RIIAD1: variants seen among roughly 807,000 people sequenced by gnomAD.
RIIAD1 encodes regulatory subunit of type II PKA R-subunit domain containing 1.
In RIIAD1, 15 loss-of-function variants were observed where a neutral mutation model predicts 13.3. The observed-to-expected ratio is 1.13, with a 90% CI of 0.76 to 1.74. The LOEUF (loss-of-function observed/expected upper bound fraction) is 1.74. RIIAD1 is among the 40% of genes most tolerant of loss of function. The pLI, the probability that RIIAD1 is intolerant of heterozygous loss-of-function variation, is 0.00. For synonymous variants in RIIAD1, 50 were observed against 43.3 expected, an observed-to-expected ratio of 1.16 and a Z score of -0.61; for missense variants, 121 against 112.2, an observed-to-expected ratio of 1.08 and a Z score of -0.35.
chr1:151,716,108 G>GC, intron 4 of RIIAD1: 2 of 1,374,926 alleles, frequency 1.5e-6, no homozygotes, highest in East Asian at 2.4e-5. Flanking sequence ...AAGTGGTGGG[G>GC]CCCGGGGGCC....
chr1:151,713,090 T>C (rs1673163700), intron 2 of RIIAD1, among the ~76,000 whole-genome samples: 1 of 152,206 alleles, frequency 6.6e-6, no homozygotes, highest in Non-Finnish European at 1.5e-5. Flanking sequence ...TCTTGGAGGA[T>C]GGAACCCTCA....
At chr1:151,717,867 T>C (rs1025029939), upstream of RIIAD1, among the ~76,000 whole-genome samples, 5 of 152,192 alleles carry the variant, frequency 3.3e-5, no homozygotes, top group Admixed American at 1.3e-4. Context: ...GGCTCCACGA[T>C]CTGGAGGGAG....
intron 2 of RIIAD1, among the ~76,000 whole-genome samples, chr1:151,723,573 G>C (rs1673777615): frequency 6.6e-6 from 1 of 152,076 alleles, no homozygotes; most frequent in Non-Finnish European, 1.5e-5. Context: ...GGTGGCACGT[G>C]CCTGTAATCC....
intron 3 of RIIAD1, among the ~76,000 whole-genome samples, 198 bp downstream of exon 3, chr1:151,727,819 G>A (rs755562161): frequency 1.3e-5 from 2 of 152,152 alleles, no homozygotes; most frequent in Non-Finnish European, 2.9e-5. Context: ...CAAGAAATGA[G>A]GCAGAACTTC....
chr1:151,721,584 T>TAGCGC lies in RIIAD1; in HGVS notation c.57_61dup (p.Leu21ArgfsTer21), dbSNP rs1303037720. On this transcript the variant is annotated frameshift_variant, in exon 1 of 5. Transcript: ENST00000479191. LOFTEE classifies it high-confidence loss of function. The stretch of plus-strand genomic sequence containing the variant: ...TGCAGCGGCCCGACCCCGGGGCGCT[T>TAGCGC]AGCGCAGCGCAGCTGGAGCAGCTGC... 7.6e-7 allele frequency: 1 copy of TAGCGC among 1,312,078 alleles called. No homozygotes were observed. The highest frequency in any genetic ancestry group is 9.7e-7 in the Non-Finnish European group (1 of 1,027,488). 81.3% of individuals were successfully genotyped at this position (1,312,078 alleles called of 1,614,324 possible).
chr1:151,717,291 G>C (rs898221945), upstream of RIIAD1, among the ~76,000 whole-genome samples: 1 of 152,194 alleles, frequency 6.6e-6, no homozygotes, highest in Admixed American at 6.5e-5. Context: ...CGCAGAGTCT[G>C]GGGGAAAAAG....
chr1:151,714,500 G>T (rs1482764719), exon 4 of RIIAD1: 1 of 881,788 alleles, frequency 1.1e-6, no homozygotes, highest in East Asian at 2.6e-5. Flanking sequence ...ATGAGAGGAG[G>T]TGGAAATTAT....
chr1:151,723,195 G>A (rs1323940483), intron 2 of RIIAD1, among the ~76,000 whole-genome samples: 1 of 152,186 alleles, frequency 6.6e-6, no homozygotes, highest in Non-Finnish European at 1.5e-5. Context: ...GGGAGTTCGA[G>A]ACCAGCCTGA....
At chr1:151,712,733 A>T (rs1673125793) in intron 2 of RIIAD1, among the ~76,000 whole-genome samples, 1 of 151,958 alleles carries the variant, frequency 6.6e-6, no homozygotes, top group African/African-American at 2.4e-5. Context: ...CCAAAATATC[A>T]CCCTAGTATG....
chr1:151,713,311 T>G (rs1673185178), intron 2 of RIIAD1, among the ~76,000 whole-genome samples: 1 of 152,164 alleles, frequency 6.6e-6, no homozygotes, highest in South Asian at 2.1e-4. Context: ...CTGCCTGAGC[T>G]GCCAGGCAGC....
rs150974286 is a variant in RIIAD1, at chr1:151,727,017, C to T, written c.162-558C>T. Among the ~76,000 whole-genome samples the T allele has an allele frequency of 8.3e-3, 1,264 of 152,206 alleles. 10 individuals carry two copies. The highest frequency in any genetic ancestry group is 0.027 in the African/African-American group (1,118 of 41,534). ...GAAAATGATCGTTGAGGCCGGGTGC[C>T]GTGGCTCACGCCTGTAATCCCAGCA... On this transcript the variant is annotated intron_variant, in intron 2 of 4. Transcript: ENST00000479191.
chr1:151,711,886 T>C (rs963411147), exon 2 of RIIAD1: 2 of 152,276 alleles, frequency 1.3e-5, no homozygotes, highest in South Asian at 4.1e-4. Flanking sequence ...AGTTCCCTCC[T>C]GGCATAGGCT....
chr1:151,711,815 G>A (rs1673046303), intron 1 of RIIAD1: 1 of 152,268 alleles, frequency 6.6e-6, no homozygotes, highest in African/African-American at 2.4e-5. Context: ...CTTCCCAGCA[G>A]GCCTGGGGAT....
chr1:151,716,856 T>A (rs1308938737), upstream of RIIAD1: 4 of 446,088 alleles, frequency 9.0e-6, no homozygotes, highest in Non-Finnish European at 1.8e-5. Context: ...CTGACATCAG[T>A]GATGTCAGTC....
At chr1:151,721,800 C>A (rs1673741743) in intron 1 of RIIAD1, 180 bp downstream of exon 1, 1 of 563,088 alleles carries the variant, frequency 1.8e-6, no homozygotes, top group South Asian at 2.6e-5. Flanking sequence ...CAGCACAGAG[C>A]GCGACGGGCA....
chr1:151,719,759 C>G (rs1235408810), upstream of RIIAD1: 16 of 652,242 alleles, frequency 2.5e-5, no homozygotes, highest in Non-Finnish European at 1.9e-5. Flanking sequence ...AGTAGCCCCT[C>G]TCATACATGG....
intron 3 of RIIAD1, 32 bp downstream of exon 3, chr1:151,727,653 G>A (rs1012808731): frequency 1.4e-6 from 2 of 1,451,586 alleles, no homozygotes; most frequent in Non-Finnish European, 9.5e-7. Flanking sequence ...TTGGGTATCT[G>A]ACAAAGCCAG....
At chr1:151,721,191 C>T (rs1673727496), upstream of RIIAD1, among the ~76,000 whole-genome samples, 1 of 152,140 alleles carries the variant, frequency 6.6e-6, no homozygotes, top group South Asian at 2.1e-4. Flanking sequence ...TTCTCTTTCC[C>T]CAGTACTAGG....
exon 4 of RIIAD1, chr1:151,714,453 G>A: frequency 1.4e-6 from 1 of 723,014 alleles, no homozygotes; most frequent in Non-Finnish European, 2.5e-6. Flanking sequence ...CAGCAAGAAA[G>A]ATGGATGCTA....
Sources: allele counts gnomAD v4.1 joint callset (sites outside exome capture counted in the v4.1 genomes callset), GRCh38; gene constraint gnomAD v4.1.1; transcripts MANE v1.5; gene names NCBI Gene and HGNC (gene_info 2026-07-23, HGNC 2026-07-21).